The following EIF4A1 variants were observed in gnomAD, a reference collection of about 807,000 sequenced individuals.
The protein encoded by EIF4A1 is eukaryotic translation initiation factor 4A1, also known as eukaryotic initiation factor 4A-I.
A neutral mutation model predicts 53.5 loss-of-function variants in EIF4A1; 11 were observed. That is an observed-to-expected ratio of 0.21 (90% confidence interval 0.13 to 0.34). The LOEUF (loss-of-function observed/expected upper bound fraction) is 0.34, where lower values mean the gene tolerates loss of function less well. EIF4A1 is among the 10% of genes least tolerant of loss of function. EIF4A1 has a pLI of 1.00. For synonymous variants in EIF4A1, 237 were observed against 186.7 expected, an observed-to-expected ratio of 1.27 and a Z score of -2.20; for missense variants, 213 against 530.8, an observed-to-expected ratio of 0.40 and a Z score of 5.88.
chr17:7,575,345 C>T, intron 4 of EIF4A1, 87 bp downstream of exon 4: 1 of 1,582,502 alleles, frequency 6.3e-7, no homozygotes, highest in East Asian at 2.2e-5. Flanking sequence ...CTCTGATCAC[C>T]ACCTTGGGAG....
At chr17:7,574,429 G>T in intron 2 of EIF4A1, 117 bp from the exon 3 acceptor site, 5 of 1,603,584 alleles carry the variant, frequency 3.1e-6, no homozygotes, top group Non-Finnish European at 4.3e-6. Flanking sequence ...CCTAAAGGGA[G>T]GAGGGTTGTA....
At chr17:7,576,879 T>A (rs747518136) in intron 5 of EIF4A1, 177 bp from the exon 6 acceptor site, 1 of 1,335,190 alleles carries the variant, frequency 7.5e-7, no homozygotes, top group South Asian at 1.2e-5. Context: ...CCTGGCAGTG[T>A]CCTACTTCCC....
At chr17:7,575,492 G>A in intron 4 of EIF4A1, 1 of 664,048 alleles carries the variant, frequency 1.5e-6, no homozygotes, top group Non-Finnish European at 2.6e-6. Context: ...CTGGCTGGCT[G>A]GGCAAGTTTG....
Position 7,578,488 on chromosome 17 carries a change from G to A in EIF4A1, c.*2G>A, listed in dbSNP as rs747389657. On this transcript the variant is annotated 3_prime_UTR_variant, in exon 11 of 11. Coordinates refer to ENST00000293831, the MANE Select transcript of EIF4A1 (RefSeq NM_001416.4). Reference sequence around the variant, plus strand: ...CTCAATGTTGCTGACCTCATCTGAGGGGCTGTCCTGCCACCCAGCCCCAGC... The same window carrying A: ...CTCAATGTTGCTGACCTCATCTGAGAGGCTGTCCTGCCACCCAGCCCCAGC... The A allele has an allele frequency of 8.2e-6, 13 of 1,583,914 alleles. No homozygotes were observed. Among genetic ancestry groups the A allele is most frequent in the Middle Eastern group, 2.0e-4 (1 of 5,008 alleles).
chr17:7,575,775 C>G, intron 4 of EIF4A1: 1 of 233,522 alleles, frequency 4.3e-6, no homozygotes, highest in Non-Finnish European at 8.7e-6. Flanking sequence ...GAGCTCCATT[C>G]TAAGGCACTT....
chr17:7,573,350 T>G, intron 1 of EIF4A1: 1 of 201,730 alleles, frequency 5.0e-6, no homozygotes. Flanking sequence ...AAAACACGGG[T>G]CGGGGAGAAG....
rs375942970 is a variant in EIF4A1 at position 7,574,542 on chromosome 17, C to T, written c.73-4C>T. The T allele has an allele frequency of 5.6e-6, 9 of 1,612,682 alleles. No individual in the cohort carries two copies. The highest frequency in any genetic ancestry group is 1.3e-5 in the African/African-American group (1 of 74,870). On this transcript the variant is annotated splice_region_variant and splice_polypyrimidine_tract_variant and intron_variant, in intron 2 of 10. Coordinates refer to ENST00000293831, the MANE Select transcript of EIF4A1 (RefSeq NM_001416.4). ...TCAAGCTTTAATTTCTTTGCATCCCCTAGAGTAACTGGAATGAGATTGTTG... is the reference window on the plus strand; with the variant it reads ...TCAAGCTTTAATTTCTTTGCATCCCTTAGAGTAACTGGAATGAGATTGTTG...
intron 5 of EIF4A1, 77 bp downstream of exon 5, chr17:7,576,769 A>C (rs746558351): frequency 1.3e-6 from 2 of 1,556,124 alleles, no homozygotes; most frequent in Non-Finnish European, 1.7e-6. Flanking sequence ...CGTAAGCCAG[A>C]GTCATTCCCA....
At chr17:7,573,236 G>T in intron 1 of EIF4A1, 1 of 399,030 alleles carries the variant, frequency 2.5e-6, no homozygotes, top group South Asian at 2.9e-5. Flanking sequence ...TTGCCTCCCT[G>T]TGCCGGGGGA....
At chr17:7,573,305 G>T (rs2071350252) in intron 1 of EIF4A1, 1 of 283,062 alleles carries the variant, frequency 3.5e-6, no homozygotes, top group East Asian at 9.8e-5. Flanking sequence ...AGGCGGGGGT[G>T]CCTGGTCCTT....
chr17:7,577,563 C>G lies in EIF4A1; in HGVS notation c.769-6C>G. ...CCCTGACTGATTTTTGTCCCCCAAC[C>G]TCCAGGAGTGGAAGCTGGACACACT... On this transcript the variant is annotated splice_region_variant and splice_polypyrimidine_tract_variant and intron_variant, in intron 7 of 10. Transcript: ENST00000293831. This position sits in a 1 kb window ranked among gnomAD's most constrained non-coding sequence, Gnocchi z 4.7. 6.2e-7 allele frequency: 1 copy of G among 1,613,240 alleles called. No homozygotes were observed. The highest frequency in any genetic ancestry group is 8.5e-7 in the Non-Finnish European group (1 of 1,179,410).
At chr17:7,573,507 G>A (rs1165586509) in intron 1 of EIF4A1, 2 of 154,276 alleles carry the variant, frequency 1.3e-5, no homozygotes, top group Non-Finnish European at 2.9e-5. Flanking sequence ...GCAAACTGCG[G>A]ATGGGCAGGT....
At chr17:7,576,850 G>A (rs1241354099) in intron 5 of EIF4A1, 158 bp downstream of exon 5, 5 of 1,433,806 alleles carry the variant, frequency 3.5e-6, no homozygotes, top group African/African-American at 1.4e-5. Context: ...TGAGCCTCTG[G>A]CTTCCCTGCC....
At chr17:7,573,240 C>T (rs1352877759) in intron 1 of EIF4A1, 1 of 384,706 alleles carries the variant, frequency 2.6e-6, no homozygotes, top group South Asian at 3.0e-5. Context: ...CTCCCTGTGC[C>T]GGGGGAGGGA....
intron 5 of EIF4A1, 153 bp downstream of exon 5, chr17:7,576,845 C>A: frequency 7.0e-7 from 1 of 1,438,350 alleles, no homozygotes; most frequent in Non-Finnish European, 9.7e-7. Flanking sequence ...TCATCTGAGC[C>A]TCTGGCTTCC....
chr17:7,574,401 C>T (rs368656530), intron 2 of EIF4A1, 93 bp downstream of exon 2: 3 of 1,606,688 alleles, frequency 1.9e-6, no homozygotes, highest in East Asian at 2.2e-5. Flanking sequence ...CCCAGATCAT[C>T]TAGAAGCAGC....
intron 5 of EIF4A1, 94 bp downstream of exon 5, chr17:7,576,786 C>T (rs1248800399): frequency 2.6e-6 from 4 of 1,546,410 alleles, no homozygotes; most frequent in Non-Finnish European, 3.5e-6. Flanking sequence ...CCCAAGGATG[C>T]TGGTTTCTCT....
intron 1 of EIF4A1, chr17:7,573,113 G>A (rs1052832234): frequency 6.5e-6 from 4 of 618,980 alleles, no homozygotes; most frequent in Non-Finnish European, 1.1e-5. Context: ...GACCCGAGGC[G>A]GTGCCATGCG....
chr17:7,574,343 A>G (rs766481965), intron 2 of EIF4A1, 35 bp downstream of exon 2: 10 of 1,614,078 alleles, frequency 6.2e-6, no homozygotes, highest in Non-Finnish European at 8.5e-6. Context: ...GTCCTCCCCC[A>G]TTACAACTTT....
Sources: gnomAD v4.1 joint callset for allele counts on GRCh38, gnomAD v4.1.1 for gene constraint, Gnocchi (gnomAD v3.1) non-coding constraint, MANE v1.5 for transcripts, NCBI Gene and HGNC (gene_info 2026-07-23, HGNC 2026-07-21) for gene names.